Variants in DUS2 observed in about 807,000 individuals in gnomAD.
DUS2 encodes the protein tRNA-dihydrouridine(20) synthase [NAD(P)+]-like.
In DUS2, 52 loss-of-function variants were observed where a neutral mutation model predicts 71.3. The ratio of observed to expected loss-of-function variants is 0.73; its 90% CI spans 0.58 to 0.92. The LOEUF (loss-of-function observed/expected upper bound fraction) is 0.92, where lower values mean the gene tolerates loss of function less well. Among genes scored for constraint, DUS2 ranks in the 40% least tolerant of loss-of-function variants. The pLI, the probability that DUS2 is intolerant of heterozygous loss-of-function variation, is 0.00. For missense variants in DUS2, 558 were observed against 622.6 expected (o/e 0.90, Z 1.10); for synonymous variants, 204 against 227.8 (o/e 0.90, Z 0.94).
chr16:68,057,880 C>CA (rs5817628), intron 7 of DUS2, among the ~76,000 whole-genome samples: 84 of 92,082 alleles, frequency 9.1e-4, no homozygotes, highest in African/African-American at 2.0e-3. Flanking sequence ...AAATCTGTCT[C>CA]AAAAAAAAAA....
At chr16:68,061,252 A>C in intron 8 of DUS2, 139 bp downstream of exon 8, 1 of 857,446 alleles carries the variant, frequency 1.2e-6, no homozygotes, top group East Asian at 2.7e-5. Flanking sequence ...ATTTCCAAAA[A>C]ATTTTCCAGT....
chr16:68,023,907 C>G (rs2033299694), intron 1 of DUS2: 1 of 167,288 alleles, frequency 6.0e-6, no homozygotes, highest in Non-Finnish European at 1.5e-5. Flanking sequence ...GAACCCACCC[C>G]TCTTGCAGCC....
intron 3 of DUS2, among the ~76,000 whole-genome samples, chr16:68,040,641 C>T (rs1355286414): frequency 4.6e-5 from 7 of 152,166 alleles, no homozygotes; most frequent in Admixed American, 2.0e-4. Flanking sequence ...GAGACCTAAG[C>T]CTTCCACCCA....
intron 3 of DUS2, among the ~76,000 whole-genome samples, chr16:68,040,318 G>A (rs2033603908): frequency 6.6e-6 from 1 of 151,988 alleles, no homozygotes; most frequent in Admixed American, 6.6e-5. Flanking sequence ...CTTGACCTCA[G>A]GTAATCCACC....
chr16:68,054,568 T>A lies in DUS2; in HGVS notation c.265-6T>A. 6.2e-7 allele frequency: 1 copy of A among 1,614,060 alleles called. No homozygotes were observed. Among genetic ancestry groups the A allele is most frequent in the Non-Finnish European group, 8.5e-7 (1 of 1,179,992 alleles). On this transcript the variant is annotated splice_polypyrimidine_tract_variant and splice_region_variant and intron_variant, in intron 5 of 16. Coordinates refer to ENST00000565263, the MANE Select transcript of DUS2 (RefSeq NM_017803.5). ...CAGTGGTTGATGCAGCCTCTTGTGTTCCCAGGGGACTTCAGACGCAGAGCG... is the reference window on the plus strand; with the variant it reads ...CAGTGGTTGATGCAGCCTCTTGTGTACCCAGGGGACTTCAGACGCAGAGCG...
At chr16:68,037,904 C>T (rs2033556310) in intron 2 of DUS2, 102 bp from the exon 3 acceptor site, 2 of 1,185,840 alleles carry the variant, frequency 1.7e-6, no homozygotes, top group East Asian at 4.8e-5. Context: ...AAAATGAAAA[C>T]TACTGTGTGC....
At chr16:68,027,989 T>G (rs2033380019) in intron 2 of DUS2, among the ~76,000 whole-genome samples, 1 of 152,164 alleles carries the variant, frequency 6.6e-6, no homozygotes, top group South Asian at 2.1e-4. Flanking sequence ...GAAAGAGGCT[T>G]CTATGGAAGG....
rs772414063 is a variant in DUS2 at position 68,026,807 on chromosome 16, C to T, written c.-19+1313C>T. 7.3e-5 allele frequency among the ~76,000 whole-genome samples: 10 copies of T among 136,436 alleles called. No individual in the cohort carries two copies. The East Asian group carries it at 1.2e-3, about 16-fold the overall frequency. The allele number at this position is 136,436 out of a possible 152,430, so 89.5% of individuals were successfully genotyped here. On this transcript the variant is annotated intron_variant, in intron 2 of 16. Transcript: ENST00000565263. ...GGAAGAATTGCTTGAACCCGGGAGG[C>T]GGAGGTTGCAGTGACCTGAGATTGT...
chr16:68,031,878 A>G (rs966423047), intron 2 of DUS2, among the ~76,000 whole-genome samples: 1 of 151,850 alleles, frequency 6.6e-6, no homozygotes, highest in African/African-American at 2.4e-5. Flanking sequence ...TATTTTTAGT[A>G]GAGACAGGGT....
intron 13 of DUS2, 72 bp from the exon 14 acceptor site, chr16:68,075,283 C>T: frequency 2.1e-6 from 3 of 1,425,788 alleles, no homozygotes; most frequent in East Asian, 5.0e-5. Flanking sequence ...GTGGTGGGGC[C>T]CTGGGGTCCT....
chr16:68,052,985 C>T (rs1427124999), intron 4 of DUS2, among the ~76,000 whole-genome samples: 8 of 147,642 alleles, frequency 5.4e-5, no homozygotes, highest in Non-Finnish European at 1.0e-4. Context: ...TTTTTCGAGA[C>T]GGAGTCTTGC....
intron 2 of DUS2, among the ~76,000 whole-genome samples, chr16:68,027,410 G>A (rs1192107012): frequency 6.6e-6 from 1 of 151,994 alleles, no homozygotes; most frequent in African/African-American, 2.4e-5. Flanking sequence ...GGCTAATTTT[G>A]TATTTTTAGT....
In DUS2 at chr16:68,049,514, G is replaced by A. The variant is rs143924271; in HGVS notation, c.136G>A (p.Asp46Asn). ...TCTGATTCCTCTGCAGGAGCTGATC[G>A]ACCTCAAGATGATTCAGTGCAAGAG... ...ADIVYCEELI[D>N]LKMIQCKRVV... The change falls in exon 4 of 17, where the codon GAC becomes AAC. Residue 46 changes from aspartate (D) to asparagine (N), a missense_variant. Coordinates refer to ENST00000565263, the MANE Select transcript of DUS2 (RefSeq NM_017803.5). 1.9e-5 allele frequency: 31 copies of A among 1,614,002 alleles called. No homozygotes were observed. Among genetic ancestry groups the A allele is most frequent in the Non-Finnish European group, 2.5e-5 (30 of 1,180,012 alleles).
chr16:68,075,251 T>C, intron 13 of DUS2, 104 bp from the exon 14 acceptor site: 1 of 1,135,976 alleles, frequency 8.8e-7, no homozygotes. Context: ...TGTTTTGGTG[T>C]ATGTGGTAGA....
At chr16:68,042,397 G>C (rs1307806177) in intron 3 of DUS2, among the ~76,000 whole-genome samples, 1 of 152,166 alleles carries the variant, frequency 6.6e-6, no homozygotes, top group African/African-American at 2.4e-5. Context: ...GGGATTGCTA[G>C]ATCATATGGT....
intron 10 of DUS2, among the ~76,000 whole-genome samples, chr16:68,068,867 A>G (rs1225446489): frequency 2.7e-5 from 4 of 150,928 alleles, no homozygotes; most frequent in Middle Eastern, 3.4e-3. Context: ...CCCAAAGTGC[A>G]GGGATTACAG....
intron 8 of DUS2, among the ~76,000 whole-genome samples, chr16:68,063,875 A>G (rs2033972799): frequency 6.6e-6 from 1 of 152,170 alleles, no homozygotes; most frequent in Non-Finnish European, 1.5e-5. Context: ...GGCATGCACC[A>G]CAACACCCGG....
intron 3 of DUS2, among the ~76,000 whole-genome samples, chr16:68,044,320 A>G (rs1413448631): frequency 6.6e-6 from 1 of 151,666 alleles, no homozygotes; most frequent in African/African-American, 2.4e-5. Flanking sequence ...TAGTTTACGG[A>G]TTATTGCTGT....
intron 4 of DUS2, 42 bp from the exon 5 acceptor site, chr16:68,053,522 C>T (rs1359413654): frequency 6.3e-7 from 1 of 1,597,198 alleles, no homozygotes; most frequent in African/African-American, 1.3e-5. Context: ...GTTGAACTTG[C>T]ATCTTCATTG....
Sources: allele counts gnomAD v4.1 joint callset (sites outside exome capture counted in the v4.1 genomes callset), GRCh38; gene constraint gnomAD v4.1.1; transcripts MANE v1.5; gene names NCBI Gene and HGNC (gene_info 2026-07-23, HGNC 2026-07-21).